The following CMSS1 variants were observed in gnomAD, a reference collection of about 807,000 sequenced individuals.
The protein encoded by CMSS1 is cms1 ribosomal small subunit homolog, also known as protein CMSS1.
A neutral mutation model predicts 43.5 loss-of-function variants in CMSS1; 33 were observed. That is an observed-to-expected ratio of 0.76 (90% CI 0.57 to 1.01). CMSS1 has a LOEUF of 1.01. CMSS1 is among the 50% of genes least tolerant of loss of function. CMSS1 has a pLI of 0.00. For missense variants in CMSS1, 313 were observed against 326.4 expected (o/e 0.96, Z 0.32); for synonymous variants, 115 against 117.2 (o/e 0.98, Z 0.12).
intron 1 of CMSS1, among the ~76,000 whole-genome samples, chr3:100,127,614 T>C (rs1054202920): frequency 1.3e-5 from 2 of 152,182 alleles, no homozygotes; most frequent in African/African-American, 4.8e-5. Context: ...TAGTTCCCAG[T>C]GGGATTTGGG....
At chr3:100,120,276 T>C (rs959067634) in intron 1 of CMSS1, among the ~76,000 whole-genome samples, 1 of 152,258 alleles carries the variant, frequency 6.6e-6, no homozygotes, top group African/African-American at 2.4e-5. Flanking sequence ...AGTAGCCTTG[T>C]TGACATATGT....
intron 1 of CMSS1, among the ~76,000 whole-genome samples, chr3:99,900,630 T>A (rs1241761808): frequency 6.6e-6 from 1 of 152,240 alleles, no homozygotes; most frequent in Non-Finnish European, 1.5e-5. Context: ...ACACACTTAA[T>A]ATTCATCAGA....
At chr3:100,077,193 C>A (rs1355939809) in intron 1 of CMSS1, among the ~76,000 whole-genome samples, 1 of 152,216 alleles carries the variant, frequency 6.6e-6, no homozygotes, top group Non-Finnish European at 1.5e-5. Flanking sequence ...CATACTTTCA[C>A]ATGTTGCTCG....
chr3:99,909,675 A>G (rs1396584543), intron 1 of CMSS1, among the ~76,000 whole-genome samples: 4 of 152,206 alleles, frequency 2.6e-5, no homozygotes, highest in African/African-American at 4.8e-5. Flanking sequence ...TTTTCATCAT[A>G]CAGATGAAAA....
Position 99,817,871 on chromosome 3 carries a change from C to A in CMSS1, c.-109C>A. ...GCGGGGCGGAGGCGACAGTGTCTAG[C>A]GGGAGCTCCGCGTGTAGCTACGCCG... On this transcript the variant is annotated 5_prime_UTR_variant, in exon 1 of 10. Coordinates refer to ENST00000421999, the MANE Select transcript of CMSS1 (RefSeq NM_032359.4). 3 of 1,134,832 alleles carry A rather than the reference C, an allele frequency of 2.6e-6. No individual in the cohort carries two copies. The highest frequency in any genetic ancestry group is 1.3e-5 in the South Asian group (1 of 74,570). 70.3% of individuals were successfully genotyped at this position (1,134,832 alleles called of 1,614,324 possible). A position where few individuals can be genotyped will look rare whatever the true frequency, so the allele number is the denominator to read the frequency against.
chr3:100,071,090 C>CTTTTTTTT (rs61563009), intron 1 of CMSS1, among the ~76,000 whole-genome samples: 25 of 70,506 alleles, frequency 3.5e-4, no homozygotes, highest in Admixed American at 6.2e-4. Flanking sequence ...GCTACTCTCT[C>CTTTTTTTT]TTTTTTTTTT....
chr3:99,972,536 G>A (rs1016908257), intron 1 of CMSS1, among the ~76,000 whole-genome samples: 1 of 152,156 alleles, frequency 6.6e-6, no homozygotes, highest in Non-Finnish European at 1.5e-5. Context: ...TCTGCCTCTA[G>A]TGCTGTCTGC....
chr3:100,035,034 A>G (rs915342040), intron 1 of CMSS1, among the ~76,000 whole-genome samples: 6 of 152,178 alleles, frequency 3.9e-5, no homozygotes, highest in African/African-American at 1.4e-4. Flanking sequence ...GGTTCTCTCC[A>G]GATAGCTTGA....
At chr3:99,864,547 G>A (rs746396843) in intron 1 of CMSS1, among the ~76,000 whole-genome samples, 1 of 152,086 alleles carries the variant, frequency 6.6e-6, no homozygotes. Context: ...TAACAACCAG[G>A]CTACATGCCG....
chr3:99,820,235 C>T (rs1447298720), intron 1 of CMSS1, among the ~76,000 whole-genome samples: 1 of 150,996 alleles, frequency 6.6e-6, no homozygotes, highest in South Asian at 2.1e-4. Flanking sequence ...TCACTCTTGT[C>T]CCCCAGTCTG....
In CMSS1 at chr3:99,899,964, G is replaced by A. The variant is rs993106049; in HGVS notation, c.64+81921G>A. ...CCTAAGGTGCTAAATACGGTGTTCT[G>A]GTTCTACTGGATCTTTGAAATCGTA... On this transcript the variant is annotated intron_variant, in intron 1 of 9. Transcript: ENST00000421999. 2.6e-5 allele frequency among the ~76,000 whole-genome samples: 4 copies of A among 152,132 alleles called. No individual in the cohort carries two copies. The South Asian group carries it at 8.3e-4, about 31-fold the overall frequency.
intron 1 of CMSS1, among the ~76,000 whole-genome samples, chr3:100,098,378 C>G (rs903424166): frequency 6.6e-6 from 1 of 152,184 alleles, no homozygotes. Flanking sequence ...AGTTACTGAA[C>G]TTCTCTCAGG....
chr3:99,997,956 G>A (rs9872339), intron 1 of CMSS1, among the ~76,000 whole-genome samples: 125,942 of 152,182 alleles, frequency 0.83, 52,151 homozygotes, highest in East Asian at 0.88. Flanking sequence ...TCAAGATCAA[G>A]TTGAATAAAA....
At chr3:99,891,461 C>A (rs1422999756) in intron 1 of CMSS1, among the ~76,000 whole-genome samples, 1 of 152,174 alleles carries the variant, frequency 6.6e-6, no homozygotes, top group Non-Finnish European at 1.5e-5. Flanking sequence ...CACTTTTATT[C>A]AGTCTTTGGC....
chr3:99,837,439 GA>G (rs200867964), intron 1 of CMSS1, among the ~76,000 whole-genome samples: 4,985 of 135,792 alleles, frequency 0.037, 118 homozygotes, highest in East Asian at 0.14. Flanking sequence ...AGAGAAGAGA[GA>G]AAAAAAAAAA....
intron 1 of CMSS1, among the ~76,000 whole-genome samples, chr3:100,047,554 A>G (rs2065296978): frequency 6.6e-6 from 1 of 152,232 alleles, no homozygotes; most frequent in Middle Eastern, 3.2e-3. Context: ...AGTGGCCACA[A>G]ATAAAACACT....
At chr3:100,154,484 A>G (rs1412881769) in intron 2 of CMSS1, among the ~76,000 whole-genome samples, 1 of 152,184 alleles carries the variant, frequency 6.6e-6, no homozygotes, top group African/African-American at 2.4e-5. Flanking sequence ...ATCCTTGTCA[A>G]CATTTGGAGT....
intron 1 of CMSS1, among the ~76,000 whole-genome samples, chr3:100,027,387 G>A (rs970994937): frequency 1.3e-5 from 2 of 151,992 alleles, no homozygotes; most frequent in Admixed American, 1.3e-4. Flanking sequence ...TTTTAACTTT[G>A]GGCCAAATAA....
intron 1 of CMSS1, among the ~76,000 whole-genome samples, chr3:100,105,543 A>G (rs913418584): frequency 1.1e-4 from 17 of 152,338 alleles, no homozygotes; most frequent in South Asian, 4.1e-4. Flanking sequence ...TTAAAGGGCT[A>G]TAAGATTAAC....
Sources: gnomAD v4.1 joint callset for allele counts (sites outside exome capture counted in the v4.1 genomes callset) on GRCh38, gnomAD v4.1.1 for gene constraint, MANE v1.5 for transcripts, NCBI Gene and HGNC (gene_info 2026-07-23, HGNC 2026-07-21) for gene names.